Variants in PIP5K1A observed in about 807,000 individuals in gnomAD.
PIP5K1A encodes phosphatidylinositol-4-phosphate 5-kinase type 1 alpha.
In PIP5K1A, 46 loss-of-function variants were observed where a neutral mutation model predicts 72.9. That is an observed-to-expected ratio of 0.63 (90% CI 0.50 to 0.81). PIP5K1A has a LOEUF of 0.81. PIP5K1A is among the 30% of genes least tolerant of loss of function. The pLI is 0.00. For missense variants in PIP5K1A, 458 were observed against 706.1 expected (o/e 0.65, Z 3.98); for synonymous variants, 228 against 255.1 (o/e 0.89, Z 1.01).
At position 151,240,023 on chromosome 1, in the gene PIP5K1A, A is replaced by G. The variant is rs1454234567; in HGVS notation, c.1347A>G (p.Val449=). Residue 449 remains valine (V), a synonymous_variant, in exon 12 of 16, where the codon GTA becomes GTG. Coordinates refer to ENST00000368888, the MANE Select transcript of PIP5K1A (RefSeq NM_001135638.2). ...TCCAGCGCTTCATGTGCAACACAGT[A>G]TTTAAGAAGATTCCCTGTAAGTGGT... ...ERFQRFMCNT[V]FKKIPLKPSP... is the part of the protein sequence containing the mutation. 1.2e-6 allele frequency: 2 copies of G among 1,611,952 alleles called. No individual in the cohort carries two copies. Among genetic ancestry groups the G allele is most frequent in the Middle Eastern group, 1.7e-4 (1 of 6,052 alleles).
chr1:151,215,226 C>CG (rs1407260769), intron 1 of PIP5K1A, among the ~76,000 whole-genome samples: 1 of 151,326 alleles, frequency 6.6e-6, no homozygotes, highest in Admixed American at 6.6e-5. Context: ...TTAGTAAAGA[C>CG]GGGGTTTCTC....
At chr1:151,225,050 TC>T (rs1286691838) in intron 3 of PIP5K1A, among the ~76,000 whole-genome samples, 1 of 152,170 alleles carries the variant, frequency 6.6e-6, no homozygotes, top group Non-Finnish European at 1.5e-5. Flanking sequence ...GATTGGGACA[TC>T]CAGCCAGTCA....
chr1:151,200,608 C>G (rs909345858), intron 1 of PIP5K1A, among the ~76,000 whole-genome samples: 6 of 152,100 alleles, frequency 3.9e-5, no homozygotes, highest in African/African-American at 1.4e-4. Context: ...AGGGTTCCTT[C>G]CACCTTTCAC....
upstream of PIP5K1A, chr1:151,197,996 T>A: frequency 2.1e-6 from 1 of 466,648 alleles, no homozygotes; most frequent in South Asian, 1.6e-5. Flanking sequence ...CGTGCCCTTT[T>A]TTGACAGGTC....
chr1:151,230,169 T>C (rs1341706633), intron 4 of PIP5K1A, among the ~76,000 whole-genome samples: 1 of 152,082 alleles, frequency 6.6e-6, no homozygotes, highest in East Asian at 1.9e-4. Flanking sequence ...CTGGCCGAGG[T>C]TGGGGATGAG....
At chr1:151,232,725 TC>T (rs1690272056) in intron 7 of PIP5K1A, 22 bp downstream of exon 7, 5 of 1,606,256 alleles carry the variant, frequency 3.1e-6, no homozygotes, top group Non-Finnish European at 4.3e-6. Context: ...AGAAGCACTG[TC>T]CACCTGTGCT....
At position 151,224,406 on chromosome 1, in the gene PIP5K1A, G is replaced by C; in HGVS notation, c.156G>C (p.Leu52Phe). The change falls in exon 3 of 16, where the codon TTG becomes TTC. Residue 52 changes from leucine to phenylalanine, a missense_variant and splice_region_variant. Leu to Phe is a conservative substitution (Grantham distance 22). Around this residue, in one of 3 missense-constraint regions of PIP5K1A, gnomAD observed 81 missense variants for 88.0 expected, o/e 0.92. Coordinates refer to ENST00000368888, the MANE Select transcript of PIP5K1A (RefSeq NM_001135638.2). The stretch of plus-strand genomic sequence containing the variant: ...CTAGACAGGATTCTTACATCTCATT[G>C]GTAGGCTAGAAATTATGCAACTCAT... Reference protein sequence around the residue: ...LEARQDSYISLVPYASGMPIK... With the variant: ...LEARQDSYISFVPYASGMPIK... 6.3e-7 allele frequency: 1 copy of C among 1,587,832 alleles called. No individual in the cohort carries two copies. The highest frequency in any genetic ancestry group is 8.6e-7 in the Non-Finnish European group (1 of 1,157,050).
rs1690912853 is a variant in PIP5K1A at position 151,236,750 on chromosome 1, G to A, written c.1132G>A (p.Glu378Lys). The A allele has an allele frequency of 6.2e-7, 1 of 1,613,460 alleles. No homozygotes were observed. The change falls in exon 9 of 16, where the codon GAG becomes AAG. Residue 378 changes from glutamate to lysine, a missense_variant. Glu to Lys is a moderately conservative substitution (Grantham distance 56). Transcript: ENST00000368888. ...AGAGGCTCGACGGGGTGGTACCATG[G>A]AGACTGATGACCAGTAAGTGGGCTC... ...QGEARRGGTM[E>K]TDDHMGGIPA...
rs186267679 is a variant in PIP5K1A, at chr1:151,202,026, C to T, written c.85+2945C>T. ...GGTTTGCTTTACTCTGTGTATTTCA[C>T]TTGTCAACAGTGTAAAAGCTGACAG... is the stretch of plus-strand genomic sequence containing the variant. On this transcript the variant is annotated intron_variant, in intron 1 of 15. Transcript: ENST00000368888. 4.4e-3 allele frequency among the ~76,000 whole-genome samples: 673 copies of T among 152,306 alleles called. 6 individuals carry two copies. Among genetic ancestry groups the T allele is most frequent in the Middle Eastern group, 0.014 (4 of 294 alleles).
chr1:151,228,165 T>A (rs1689436623), intron 4 of PIP5K1A, among the ~76,000 whole-genome samples: 3 of 151,476 alleles, frequency 2.0e-5, no homozygotes, highest in African/African-American at 7.3e-5. Flanking sequence ...AGAGCCAGGG[T>A]GTCAATCTGT....
In PIP5K1A at chr1:151,229,298, C is replaced by T. The variant is rs587664537; in HGVS notation, c.237+1898C>T. On this transcript the variant is annotated intron_variant, in intron 4 of 15. Coordinates refer to ENST00000368888, the MANE Select transcript of PIP5K1A (RefSeq NM_001135638.2). Reference sequence around the variant, plus strand: ...GAACTCCTGGGCTCAAGCCATCCTCCTACCTCAGCCTCCAAAGTAACTGGG... The same window carrying T: ...GAACTCCTGGGCTCAAGCCATCCTCTTACCTCAGCCTCCAAAGTAACTGGG... Among the ~76,000 whole-genome samples the T allele has an allele frequency of 6.6e-5, 10 of 151,686 alleles. No homozygotes were observed. In the East Asian group the frequency reaches 1.9e-3, roughly 29 times the overall value.
rs149458748 is a variant in PIP5K1A at position 151,244,733 on chromosome 1, G to C, written c.1640+2166G>C. Reference sequence around the variant, plus strand: ...GCAAATACCATAGCATTGTATATAAGGGACTTGTGCATTGTGGATTTTGAT... The same window carrying C: ...GCAAATACCATAGCATTGTATATAACGGACTTGTGCATTGTGGATTTTGAT... On this transcript the variant is annotated intron_variant, in intron 14 of 15. Transcript: ENST00000368888. 4.4e-3 allele frequency among the ~76,000 whole-genome samples: 667 copies of C among 152,244 alleles called. 7 individuals are homozygous for C. The highest frequency in any genetic ancestry group is 0.015 in the African/African-American group (629 of 41,524).
chr1:151,206,668 C>T (rs1391991670), intron 1 of PIP5K1A, among the ~76,000 whole-genome samples: 6 of 152,092 alleles, frequency 3.9e-5, no homozygotes, highest in Non-Finnish European at 5.9e-5. Flanking sequence ...CGGGTTGAAG[C>T]GATTCACCAG....
At chr1:151,210,810 C>A (rs901696636) in intron 1 of PIP5K1A, among the ~76,000 whole-genome samples, 1 of 152,044 alleles carries the variant, frequency 6.6e-6, no homozygotes, top group East Asian at 1.9e-4. Context: ...TGGTTTTGAT[C>A]TCCTGACCTC....
rs371016323 is a variant in PIP5K1A, at chr1:151,243,481, AAG to A, written c.1640+915_1640+916del. Among the ~76,000 whole-genome samples the A allele has an allele frequency of 1.3e-3, 191 of 152,296 alleles. 1 individual carries two copies. The highest frequency in any genetic ancestry group is 4.5e-3 in the African/African-American group (185 of 41,564). ...CCAATATACACATTTCTGTACATAA[AAG>A]GGGAGAATGGGAGGCACAAAAAGGA... is the stretch of plus-strand genomic sequence containing the variant. On this transcript the variant is annotated intron_variant, in intron 14 of 15. Transcript: ENST00000368888.
intron 3 of PIP5K1A, among the ~76,000 whole-genome samples, chr1:151,225,222 A>G (rs1688932668): frequency 6.6e-6 from 1 of 152,068 alleles, no homozygotes; most frequent in Non-Finnish European, 1.5e-5. Context: ...GCTACTCGGG[A>G]TTGCTTGAGC....
At chr1:151,207,503 T>G (rs1469970129) in intron 1 of PIP5K1A, among the ~76,000 whole-genome samples, 1 of 151,874 alleles carries the variant, frequency 6.6e-6, no homozygotes, top group Non-Finnish European at 1.5e-5. Context: ...GTAAAGATGT[T>G]GCATAAAGGC....
At chr1:151,222,928 C>T (rs1325603471) in intron 1 of PIP5K1A, among the ~76,000 whole-genome samples, 3 of 152,116 alleles carry the variant, frequency 2.0e-5, no homozygotes, top group South Asian at 2.1e-4. Context: ...TTGCGTCACA[C>T]GTAATGGCCA....
In PIP5K1A at chr1:151,198,790, G is replaced by T; in HGVS notation, c.-207G>T. Reference sequence around the variant, plus strand: ...AACTTGTGGAGGGGGTGCGGGACGTGAGTTCTTCCCCATGCCAGGCGAATG... The same window carrying T: ...AACTTGTGGAGGGGGTGCGGGACGTTAGTTCTTCCCCATGCCAGGCGAATG... On this transcript the variant is annotated 5_prime_UTR_variant, in exon 1 of 16. Transcript: ENST00000368888. The T allele has an allele frequency of 1.5e-6, 1 of 647,760 alleles. No homozygotes were observed. The allele number at this position is 647,760 out of a possible 1,614,324, so 40.1% of individuals were successfully genotyped here. A position where few individuals can be genotyped will look rare whatever the true frequency, so the allele number is the denominator to read the frequency against.
Sources: gnomAD v4.1 joint callset for allele counts (sites outside exome capture counted in the v4.1 genomes callset) on GRCh38, gnomAD v4.1.1 for gene constraint, gnomAD v4.1.1 regional missense constraint, MANE v1.5 for transcripts, NCBI Gene and HGNC (gene_info 2026-07-23, HGNC 2026-07-21) for gene names.